FAM171A1: variants seen among roughly 807,000 people sequenced by gnomAD.
FAM171A1 encodes the protein protein FAM171A1.
In FAM171A1, 23 loss-of-function variants were observed where a neutral mutation model predicts 74.9. The ratio of observed to expected loss-of-function variants is 0.31; its 90% confidence interval spans 0.22 to 0.44. FAM171A1 has a LOEUF of 0.44. Ranked by LOEUF, FAM171A1 falls within the 20% of genes least tolerant of loss-of-function variation. The probability of loss-of-function intolerance (pLI) is 1.00; values close to 1 mark genes in which losing one functional copy is unlikely to be tolerated. For missense variants in FAM171A1, 1,162 were observed against 1,159.2 expected (o/e 1.00, Z -0.03); for synonymous variants, 527 against 505.7 (o/e 1.04, Z -0.57).
intron 1 of FAM171A1, among the ~76,000 whole-genome samples, chr10:15,350,733 G>C (rs1477190633): frequency 2.7e-5 from 4 of 148,206 alleles, no homozygotes; most frequent in Non-Finnish European, 6.0e-5. Context: ...CTGCCTCCCA[G>C]GTTCGAGCGA....
intron 1 of FAM171A1, among the ~76,000 whole-genome samples, chr10:15,320,198 C>T (rs1282170571): frequency 1.3e-5 from 2 of 152,148 alleles, no homozygotes; most frequent in Non-Finnish European, 2.9e-5. Context: ...TGTTTAGCTC[C>T]CACTTATAAG....
intron 1 of FAM171A1, among the ~76,000 whole-genome samples, chr10:15,367,221 A>AACAAACAAACAAACAC (rs1479501687): frequency 6.6e-6 from 1 of 151,258 alleles, no homozygotes; most frequent in African/African-American, 2.4e-5. Flanking sequence ...CAAACAAACA[A>AACAAACAAACAAACAC]ACACACACAC....
chr10:15,366,108 T>G (rs1386504743), intron 1 of FAM171A1, among the ~76,000 whole-genome samples: 1 of 152,214 alleles, frequency 6.6e-6, no homozygotes, highest in Non-Finnish European at 1.5e-5. Context: ...GGTCGAGTAC[T>G]GAAATGTAGT....
intron 5 of FAM171A1, among the ~76,000 whole-genome samples, chr10:15,233,521 G>GGTGTGTGT (rs61637156): frequency 0.034 from 4,912 of 145,296 alleles, 98 homozygotes; most frequent in East Asian, 0.054. Flanking sequence ...GTGTATTCAG[G>GGTGTGTGT]GTGTGTGTGT....
intron 1 of FAM171A1, among the ~76,000 whole-genome samples, chr10:15,318,466 C>T (rs1469961354): frequency 1.3e-5 from 2 of 152,182 alleles, no homozygotes; most frequent in Non-Finnish European, 2.9e-5. Context: ...ACTTTGGCCT[C>T]TTGCAGAGAA....
At chr10:15,224,063 C>A (rs1834073894) in intron 5 of FAM171A1, among the ~76,000 whole-genome samples, 1 of 152,192 alleles carries the variant, frequency 6.6e-6, no homozygotes, top group African/African-American at 2.4e-5. Flanking sequence ...CCAGAAAGTC[C>A]ATTGGCTGAA....
At chr10:15,324,645 C>T (rs1835528530) in intron 1 of FAM171A1, among the ~76,000 whole-genome samples, 1 of 151,948 alleles carries the variant, frequency 6.6e-6, no homozygotes, top group African/African-American at 2.4e-5. Context: ...CACGTCTAAC[C>T]AAGGAATGTT....
intron 1 of FAM171A1, among the ~76,000 whole-genome samples, chr10:15,305,664 T>TAAAAAAAAAA (rs59843893): frequency 1.5e-4 from 8 of 52,936 alleles, no homozygotes; most frequent in African/African-American, 2.2e-4. Flanking sequence ...GAGATCTGGC[T>TAAAAAAAAAA]AAAAAAAAAA....
chr10:15,264,576 G>A lies in FAM171A1; in HGVS notation c.419-9697C>T, dbSNP rs537297794. Among the ~76,000 whole-genome samples, 9 of 151,990 alleles carry A rather than the reference G, an allele frequency of 5.9e-5. No individual in the cohort carries two copies. In the East Asian group the frequency reaches 1.7e-3, roughly 29 times the overall value. On this transcript the variant is annotated intron_variant, in intron 3 of 7. Coordinates refer to ENST00000378116, the MANE Select transcript of FAM171A1 (RefSeq NM_001010924.2). Reference sequence around the variant, plus strand: ...AAGGTGGGCAGATAGCTTGAGCCTAGGAACTTGAGACTAACCTGGGCAACA... The same window carrying A: ...AAGGTGGGCAGATAGCTTGAGCCTAAGAACTTGAGACTAACCTGGGCAACA...
Position 15,370,956 on chromosome 10 carries a change from CT to C in FAM171A1, c.96del (p.Glu33ArgfsTer2). The stretch of plus-strand genomic sequence containing the variant: ...CCCGGCCCCGCCGCCGCCCACTGAC[CT>C]TGGGCTCCGGCGCCGGGCTCCCGCA... ...KTLREPGAGA[Q>X]EVTLKVHISD... On this transcript the variant is annotated frameshift_variant and splice_region_variant, in exon 1 of 8. Coordinates refer to ENST00000378116, the MANE Select transcript of FAM171A1 (RefSeq NM_001010924.2). LOFTEE classifies it high-confidence loss of function. 1 of 1,172,850 alleles carries C rather than the reference CT, an allele frequency of 8.5e-7. No individual in the cohort carries two copies. The highest frequency in any genetic ancestry group is 1.1e-6 in the Non-Finnish European group (1 of 928,302). 72.7% of individuals were successfully genotyped at this position (1,172,850 alleles called of 1,614,324 possible). A position where few individuals can be genotyped will look rare whatever the true frequency, so the allele number is the denominator to read the frequency against.
At chr10:15,332,423 T>C (rs1323867120) in intron 1 of FAM171A1, among the ~76,000 whole-genome samples, 1 of 152,222 alleles carries the variant, frequency 6.6e-6, no homozygotes, top group Non-Finnish European at 1.5e-5. Context: ...CCAGTGACTT[T>C]CTATACTTCT....
intron 5 of FAM171A1, among the ~76,000 whole-genome samples, chr10:15,234,383 C>A (rs577897047): frequency 2.0e-5 from 3 of 152,136 alleles, no homozygotes; most frequent in Admixed American, 1.3e-4. Flanking sequence ...AGGTTCTTGG[C>A]GTTTTGAACA....
chr10:15,371,702 G>A (rs1836152602), upstream of FAM171A1, among the ~76,000 whole-genome samples: 1 of 152,234 alleles, frequency 6.6e-6, no homozygotes, highest in African/African-American at 2.4e-5. Flanking sequence ...GACAGCTTCA[G>A]GAGGAATGGT....
chr10:15,229,636 T>TCAC (rs1834163786), intron 5 of FAM171A1, among the ~76,000 whole-genome samples: 1 of 130,466 alleles, frequency 7.7e-6, no homozygotes, highest in Non-Finnish European at 1.6e-5. Context: ...CCCATCACCA[T>TCAC]CATCACCATC....
chr10:15,304,220 G>A (rs1175201004), intron 1 of FAM171A1, among the ~76,000 whole-genome samples: 2 of 152,240 alleles, frequency 1.3e-5, no homozygotes, highest in African/African-American at 4.8e-5. Context: ...CCGTCATGGT[G>A]AGTAGGTATA....
At chr10:15,266,993 T>G (rs575169383) in intron 3 of FAM171A1, among the ~76,000 whole-genome samples, 3 of 152,154 alleles carry the variant, frequency 2.0e-5, no homozygotes, top group African/African-American at 7.2e-5. Context: ...CAGAAAGAAC[T>G]GGAGCTCCAC....
At chr10:15,288,918 G>C (rs1835071840) in intron 1 of FAM171A1, among the ~76,000 whole-genome samples, 1 of 145,002 alleles carries the variant, frequency 6.9e-6, no homozygotes, top group Non-Finnish European at 1.5e-5. Context: ...CACTTCCCGG[G>C]TTCAAGCGAT....
At position 15,237,423 on chromosome 10, in the gene FAM171A1, T is replaced by C. The variant is rs541259476; in HGVS notation, c.754+11216A>G. Reference sequence around the variant, plus strand: ...AGGCTTAATGATTCCTAGGAATGGATTGATAATACAAGATTGTTTTTTGAG... The same window carrying C: ...AGGCTTAATGATTCCTAGGAATGGACTGATAATACAAGATTGTTTTTTGAG... On this transcript the variant is annotated intron_variant, in intron 5 of 7. Transcript: ENST00000378116. 1.4e-3 allele frequency: 209 copies of C among 152,234 alleles called. 1 individual carries two copies. Among genetic ancestry groups the C allele is most frequent in the African/African-American group, 4.5e-3 (186 of 41,518 alleles). The allele number at this position is 152,234 out of a possible 1,614,324, so 9.4% of individuals were successfully genotyped here.
At chr10:15,259,998 A>G (rs987315055) in intron 3 of FAM171A1, among the ~76,000 whole-genome samples, 1 of 151,558 alleles carries the variant, frequency 6.6e-6, no homozygotes, top group Admixed American at 6.6e-5. Flanking sequence ...GCTAATTTTT[A>G]TATTTTTTTG....
Sources: allele counts gnomAD v4.1 joint callset (sites outside exome capture counted in the v4.1 genomes callset), GRCh38; gene constraint gnomAD v4.1.1; transcripts MANE v1.5; gene names NCBI Gene and HGNC (gene_info 2026-07-23, HGNC 2026-07-21).